Variants in LARGE1 observed in about 807,000 individuals in gnomAD.
LARGE1 encodes LARGE xylosyl- and glucuronyltransferase 1.
In LARGE1, 43 loss-of-function variants were observed where a neutral mutation model predicts 87.6. The observed-to-expected ratio is 0.49, with a 90% CI of 0.38 to 0.63. The LOEUF (loss-of-function observed/expected upper bound fraction) is 0.63, where lower values mean the gene tolerates loss of function less well. Ranked by LOEUF, LARGE1 falls within the 30% of genes least tolerant of loss-of-function variation. The probability of loss-of-function intolerance (pLI) is 0.00; values close to 1 mark genes in which losing one functional copy is unlikely to be tolerated. For missense variants in LARGE1, 802 were observed against 1,000.2 expected, an observed-to-expected ratio of 0.80 and a Z score of 2.67; for synonymous variants, 434 against 394.6, an observed-to-expected ratio of 1.10 and a Z score of -1.18.
At chr22:33,431,714 A>G (rs1336598014) in intron 7 of LARGE1, among the ~76,000 whole-genome samples, 2 of 152,240 alleles carry the variant, frequency 1.3e-5, no homozygotes, top group African/African-American at 4.8e-5. Context: ...GGAAGTATGC[A>G]TGGAGATGAA....
intron 11 of LARGE1, among the ~76,000 whole-genome samples, chr22:33,227,158 GTC>G (rs1925781629): frequency 2.0e-5 from 3 of 152,160 alleles, no homozygotes; most frequent in Admixed American, 2.0e-4. Flanking sequence ...ATAAGATAGT[GTC>G]TATTTTTATG....
chr22:33,506,626 G>C (rs2070779455), intron 6 of LARGE1, among the ~76,000 whole-genome samples: 1 of 152,106 alleles, frequency 6.6e-6, no homozygotes. Flanking sequence ...ACTGGCCTGG[G>C]GCAGTGGCTC....
intron 1 of LARGE1, among the ~76,000 whole-genome samples, chr22:33,908,211 G>A (rs2065513932): frequency 6.6e-6 from 1 of 152,142 alleles, no homozygotes; most frequent in Admixed American, 6.5e-5. Context: ...CATGTTCCAG[G>A]CATACGGTAA....
chr22:33,326,585 T>A (rs755628924), intron 10 of LARGE1, among the ~76,000 whole-genome samples: 2 of 152,168 alleles, frequency 1.3e-5, no homozygotes, highest in Non-Finnish European at 2.9e-5. Context: ...TTTAAGCAGA[T>A]CACCAGGAAT....
intron 2 of LARGE1, among the ~76,000 whole-genome samples, chr22:33,717,524 A>G (rs1051848892): frequency 6.6e-6 from 1 of 152,168 alleles, no homozygotes; most frequent in African/African-American, 2.4e-5. Context: ...ATAATCTTGG[A>G]GAAATCCAGA....
At chr22:33,106,023 A>C in the LARGE1 span, 1 of 152,256 alleles carries the variant, frequency 6.6e-6, no homozygotes, top group Admixed American at 6.5e-5. Context: ...TGTAAGCCAG[A>C]TGATGTCTGA....
intron 11 of LARGE1, among the ~76,000 whole-genome samples, chr22:33,215,710 ACTTTGGG>A (rs1352325811): frequency 6.6e-6 from 1 of 152,156 alleles, no homozygotes; most frequent in Non-Finnish European, 1.5e-5. Flanking sequence ...TAATCCTAGC[ACTTTGGG>A]AGGCCGAGAC....
chr22:33,600,769 G>A (rs531429429), intron 5 of LARGE1, among the ~76,000 whole-genome samples: 7 of 152,198 alleles, frequency 4.6e-5, no homozygotes, highest in South Asian at 4.2e-4. Flanking sequence ...GGCCTCAGCC[G>A]GGGGCAGTGG....
intron 6 of LARGE1, among the ~76,000 whole-genome samples, chr22:33,450,505 C>T (rs974440358): frequency 2.0e-5 from 3 of 151,454 alleles, no homozygotes; most frequent in African/African-American, 4.8e-5. Flanking sequence ...CCCAGCTACC[C>T]AGGAGGCTGA....
chr22:33,785,096 C>CATAT (rs1321961201), intron 1 of LARGE1, among the ~76,000 whole-genome samples: 4 of 125,464 alleles, frequency 3.2e-5, no homozygotes, highest in South Asian at 2.7e-4. Flanking sequence ...TGTGTATATA[C>CATAT]ATGTGTATAC....
At chr22:33,215,234 C>G (rs1925148616) in intron 11 of LARGE1, among the ~76,000 whole-genome samples, 1 of 152,176 alleles carries the variant, frequency 6.6e-6, no homozygotes, top group South Asian at 2.1e-4. Context: ...CCGTGCCCGG[C>G]CTTACAGTCC....
chr22:33,476,884 T>C (rs532159343), intron 6 of LARGE1, among the ~76,000 whole-genome samples: 1 of 152,132 alleles, frequency 6.6e-6, no homozygotes, highest in Non-Finnish European at 1.5e-5. Context: ...GCACGCAACA[T>C]GCAGCTTCGG....
intron 12 of LARGE1, among the ~76,000 whole-genome samples, chr22:33,284,996 G>C (rs1457095857): frequency 6.6e-6 from 1 of 152,226 alleles, no homozygotes; most frequent in Non-Finnish European, 1.5e-5. Context: ...TCCCTAAAAT[G>C]ATGGCAATAA....
chr22:33,484,876 G>A (rs1172396651), intron 6 of LARGE1, among the ~76,000 whole-genome samples: 1 of 150,166 alleles, frequency 6.7e-6, no homozygotes, highest in Admixed American at 6.6e-5. Flanking sequence ...TTGTCCTAGA[G>A]TGATATCCAC....
chr22:33,906,995 A>G (rs985353147), intron 1 of LARGE1, among the ~76,000 whole-genome samples: 1 of 151,324 alleles, frequency 6.6e-6, no homozygotes, highest in Non-Finnish European at 1.5e-5. Context: ...GATAATTCCA[A>G]GCAGAAGAAA....
At chr22:33,811,568 A>G (rs2086495018) in intron 1 of LARGE1, among the ~76,000 whole-genome samples, 1 of 152,234 alleles carries the variant, frequency 6.6e-6, no homozygotes, top group Non-Finnish European at 1.5e-5. Flanking sequence ...TTTCCCAAAT[A>G]TTCGCAACGT....
chr22:33,148,496 T>A, the LARGE1 span, among the ~76,000 whole-genome samples: 1 of 152,244 alleles, frequency 6.6e-6, no homozygotes, highest in African/African-American at 2.4e-5. Flanking sequence ...ATTTGTGTTG[T>A]TTCAAGTTTG....
chr22:33,475,056 G>C (rs953218283), intron 6 of LARGE1, among the ~76,000 whole-genome samples: 6 of 152,144 alleles, frequency 3.9e-5, no homozygotes, highest in African/African-American at 1.4e-4. Flanking sequence ...GCACCAGGGA[G>C]GGGGAGCCAG....
intron 5 of LARGE1, among the ~76,000 whole-genome samples, chr22:33,577,647 T>A (rs1034117007): frequency 3.3e-5 from 5 of 152,234 alleles, no homozygotes; most frequent in African/African-American, 1.2e-4. Flanking sequence ...AATGAGGCAC[T>A]TTGCTTTTCA....
Sources: allele counts gnomAD v4.1 joint callset (sites outside exome capture counted in the v4.1 genomes callset), GRCh38; gene constraint gnomAD v4.1.1; transcripts MANE v1.5; gene names NCBI Gene and HGNC (gene_info 2026-07-23, HGNC 2026-07-21).